MAP3K4: variants seen among roughly 807,000 people sequenced by gnomAD.
MAP3K4 encodes MAP three kinase 1.
In MAP3K4, 67 loss-of-function variants were observed where a neutral mutation model predicts 185.6. That is an observed-to-expected ratio of 0.36 (90% CI 0.30 to 0.44). The LOEUF (loss-of-function observed/expected upper bound fraction) is 0.44. MAP3K4 is among the 20% of genes least tolerant of loss of function. MAP3K4 has a pLI of 1.00. For synonymous variants in MAP3K4, 702 were observed against 710.4 expected, an observed-to-expected ratio of 0.99 and a Z score of 0.19; for missense variants, 1,551 against 1,995.1, an observed-to-expected ratio of 0.78 and a Z score of 4.24.
At position 161,115,274 on chromosome 6, in the gene MAP3K4, G is replaced by T; in HGVS notation, c.4778G>T (p.Ser1593Ile). Residue 1593 changes from serine (S) to isoleucine (I), a missense_variant, in exon 26 of 27, where the codon AGC (serine) becomes ATC (isoleucine). By Grantham distance (142) the Ser-to-Ile change is moderately radical. Coordinates refer to ENST00000392142, the MANE Select transcript of MAP3K4 (RefSeq NM_005922.4). This position sits in a 1 kb window ranked among gnomAD's most constrained non-coding sequence, Gnocchi z 6.0. The part of the protein sequence containing the change: ...ESDPKMRWTA[S>I]QLLDHSFVKV... ...GACCCAAAGATGAGATGGACCGCCA[G>T]CCAGCTCCTCGACCATTCGTTTGTC... 1 of 1,614,028 alleles carries T rather than the reference G, an allele frequency of 6.2e-7. No homozygotes were observed. Among genetic ancestry groups the T allele is most frequent in the Non-Finnish European group, 8.5e-7 (1 of 1,179,938 alleles).
At position 161,108,475 on chromosome 6, in the gene MAP3K4, C is replaced by T. The variant is rs1249206960; in HGVS notation, c.4120-268C>T. On this transcript the variant is annotated intron_variant, in intron 21 of 26. Transcript: ENST00000392142. This position sits in a 1 kb window ranked among gnomAD's most constrained non-coding sequence, Gnocchi z 5.7. ...GGAGGCTCCAGCGTCTTGCACTTGC[C>T]GTGGAGCCGCGTCCTCCTCCACATG... 1.3e-5 allele frequency among the ~76,000 whole-genome samples: 2 copies of T among 152,066 alleles called. No homozygotes were observed. The highest frequency in any genetic ancestry group is 2.9e-5 in the Non-Finnish European group (2 of 68,020).
rs1784601388 is a variant in MAP3K4 at position 161,064,179 on chromosome 6, T to C, written c.1708-6429T>C. On this transcript the variant is annotated intron_variant, in intron 3 of 26. Transcript: ENST00000392142. The surrounding 1 kb of genome is among the most constrained non-coding windows in gnomAD (Gnocchi z 4.3). Reference sequence around the variant, plus strand: ...ATGAACGAAAGTGGGAATTTTTATATAGTTTAACCTAATGCAGAGCTCTAT... The same window carrying C: ...ATGAACGAAAGTGGGAATTTTTATACAGTTTAACCTAATGCAGAGCTCTAT... Among the ~76,000 whole-genome samples the C allele has an allele frequency of 6.6e-6, 1 of 152,268 alleles. No individual in the cohort carries two copies. The highest frequency in any genetic ancestry group is 2.1e-4 in the South Asian group (1 of 4,836).
rs1245366380 is a variant in MAP3K4, at chr6:160,999,521, C to CTAG, written c.152+7438_152+7439insTAG. Among the ~76,000 whole-genome samples the CTAG allele has an allele frequency of 2.0e-5, 3 of 152,194 alleles. No homozygotes were observed. The East Asian group carries it at 5.8e-4, about 29-fold the overall frequency. ...GTAGGACGCTTAGTGTTCATTTCAT[C>CTAG]CAACTTCCTAGCCATTGCTTATAGA... On this transcript the variant is annotated intron_variant, in intron 1 of 26. Transcript: ENST00000392142.
chr6:161,042,192 T>G (rs1783498816), intron 2 of MAP3K4, among the ~76,000 whole-genome samples: 1 of 152,116 alleles, frequency 6.6e-6, no homozygotes, highest in African/African-American at 2.4e-5. Flanking sequence ...CAGCAGGATG[T>G]TAGTGTATGT....
chr6:161,106,722 G>A lies in MAP3K4; in HGVS notation c.4048+17G>A, dbSNP rs1778089501. 3 of 1,596,184 alleles carry A rather than the reference G, an allele frequency of 1.9e-6. No individual in the cohort carries two copies. The highest frequency in any genetic ancestry group is 2.2e-5 in the East Asian group (1 of 44,790). On this transcript the variant is annotated intron_variant, in intron 20 of 26. Transcript: ENST00000392142. This position sits in a 1 kb window ranked among gnomAD's most constrained non-coding sequence, Gnocchi z 4.9. ...ACAAAATTGGTAAGGAAATTAAGGA[G>A]CATGATGTCAAGATAGTCCCTGTTA... is the stretch of plus-strand genomic sequence containing the variant.
rs572071722 is a variant in MAP3K4, at chr6:161,056,676, T to G, written c.1707+6697T>G. On this transcript the variant is annotated intron_variant, in intron 3 of 26. Transcript: ENST00000392142. This position sits in a 1 kb window ranked among gnomAD's most constrained non-coding sequence, Gnocchi z 5.4. ...AATTTATCAACTAGGGTGTAGTGTT[T>G]CAGTCAAGTTCCTTTTGTCTTTAGC... 9.8e-5 allele frequency among the ~76,000 whole-genome samples: 15 copies of G among 152,336 alleles called. No homozygotes were observed. The highest frequency in any genetic ancestry group is 3.6e-4 in the African/African-American group (15 of 41,582).
At position 161,080,645 on chromosome 6, in the gene MAP3K4, AAGGGGTTGTCAATAAT is replaced by A; in HGVS notation, c.2098-234_2098-219del. ...GAACATTTTTGTTGTTAGGATTTTG[AAGGGGTTGTCAATAAT>A]ATGTTAAATTGCTGGGGAGTTAGTT... is the stretch of plus-strand genomic sequence containing the variant. On this transcript the variant is annotated intron_variant, in intron 5 of 26. Coordinates refer to ENST00000392142, the MANE Select transcript of MAP3K4 (RefSeq NM_005922.4). This position sits in a 1 kb window ranked among gnomAD's most constrained non-coding sequence, Gnocchi z 4.8. The A allele has an allele frequency of 4.4e-6, 2 of 451,604 alleles. No homozygotes were observed. The highest frequency in any genetic ancestry group is 7.9e-6 in the Non-Finnish European group (2 of 251,628). 28.0% of individuals were successfully genotyped at this position (451,604 alleles called of 1,614,324 possible).
chr6:161,107,048 G>GCACACA lies in MAP3K4; in HGVS notation c.4048+344_4048+345insACACAC, dbSNP rs1168768049. Among the ~76,000 whole-genome samples the GCACACA allele has an allele frequency of 0.012, 1,731 of 141,092 alleles. 36 individuals are homozygous for GCACACA. The highest frequency in any genetic ancestry group is 0.041 in the African/African-American group (1,629 of 39,316). 92.6% of individuals were successfully genotyped at this position (141,092 alleles called of 152,430 possible). ...TCTCTCTCTCTCTCTACACACGCGC[G>GCACACA]CGCACACACACACACACACACACAC... is the stretch of plus-strand genomic sequence containing the variant. On this transcript the variant is annotated intron_variant, in intron 20 of 26. Transcript: ENST00000392142. The surrounding 1 kb of genome is among the most constrained non-coding windows in gnomAD (Gnocchi z 6.2).
chr6:160,997,161 C>G (rs914829279), intron 1 of MAP3K4, among the ~76,000 whole-genome samples: 2 of 151,692 alleles, frequency 1.3e-5, no homozygotes, highest in African/African-American at 2.4e-5. Context: ...TTTTTTAAAC[C>G]TCAGTGGTAC....
intron 1 of MAP3K4, among the ~76,000 whole-genome samples, chr6:161,012,926 G>A (rs1781915655): frequency 6.6e-6 from 1 of 152,048 alleles, no homozygotes; most frequent in African/African-American, 2.4e-5. Flanking sequence ...TTCATTTTAT[G>A]AGCATACCAT....
intron 1 of MAP3K4, among the ~76,000 whole-genome samples, chr6:161,023,916 A>G (rs1782516830): frequency 6.6e-6 from 1 of 152,234 alleles, no homozygotes; most frequent in Non-Finnish European, 1.5e-5. Context: ...ATGTAATATA[A>G]TTAAGTCTTA....
chr6:160,994,048 TTCATTTGAAC>T (rs1780876601), intron 1 of MAP3K4, among the ~76,000 whole-genome samples: 1 of 152,204 alleles, frequency 6.6e-6, no homozygotes. Flanking sequence ...TATCCAGTTG[TTCATTTGAAC>T]TTTTTTTTTT....
Position 161,097,234 on chromosome 6 carries a change from A to T in MAP3K4, c.3524+58A>T. 7.0e-7 allele frequency: 1 copy of T among 1,420,918 alleles called. No homozygotes were observed. Among genetic ancestry groups the T allele is most frequent in the East Asian group, 2.3e-5 (1 of 43,778 alleles). The allele number at this position is 1,420,918 out of a possible 1,614,324, so 88.0% of individuals were successfully genotyped here. ...AGAGTGCCCTCCGATATGCATGCTC[A>T]TACTTTTGAAACTACTAGATGCTTG... On this transcript the variant is annotated intron_variant, in intron 16 of 26. Transcript: ENST00000392142. The surrounding 1 kb of genome is among the most constrained non-coding windows in gnomAD (Gnocchi z 4.9).
Position 160,991,800 on chromosome 6 carries a change from C to G in MAP3K4, c.-132C>G. ...CCGGTCGCCGTTTCCAAGATGGCCG[C>G]GGCGCGCACGGCTCCTGCGGCGGGG... On this transcript the variant is annotated 5_prime_UTR_variant, in exon 1 of 27. Transcript: ENST00000392142. The surrounding 1 kb of genome is among the most constrained non-coding windows in gnomAD (Gnocchi z 5.7). 4.7e-6 allele frequency: 5 copies of G among 1,053,388 alleles called. No homozygotes were observed. Among genetic ancestry groups the G allele is most frequent in the Non-Finnish European group, 6.3e-6 (5 of 794,544 alleles). 65.3% of individuals were successfully genotyped at this position (1,053,388 alleles called of 1,614,324 possible).
chr6:161,054,547 G>A lies in MAP3K4; in HGVS notation c.1707+4568G>A, dbSNP rs1325674649. On this transcript the variant is annotated intron_variant, in intron 3 of 26. Transcript: ENST00000392142. This position sits in a 1 kb window ranked among gnomAD's most constrained non-coding sequence, Gnocchi z 4.2. ...CTAAAAAAAAATCTGTTTGCAGTTT[G>A]TTTTCATAATATGAATGCCATAAAT... Among the ~76,000 whole-genome samples the A allele has an allele frequency of 6.6e-6, 1 of 152,120 alleles. No individual in the cohort carries two copies. Among genetic ancestry groups the A allele is most frequent in the Non-Finnish European group, 1.5e-5 (1 of 68,002 alleles).
chr6:161,024,992 C>T (rs1370667199), intron 1 of MAP3K4, among the ~76,000 whole-genome samples: 1 of 152,036 alleles, frequency 6.6e-6, no homozygotes, highest in Non-Finnish European at 1.5e-5. Context: ...TCCACCCACC[C>T]ACCCAGCCAT....
In MAP3K4 at chr6:161,086,274, T is replaced by A. The variant is rs572385583; in HGVS notation, c.2373-105T>A. 2.0e-4 allele frequency: 122 copies of A among 618,672 alleles called. 3 individuals carry two copies. The South Asian group carries it at 2.8e-3, about 14-fold the overall frequency. The allele number at this position is 618,672 out of a possible 1,614,324, so 38.3% of individuals were successfully genotyped here. On this transcript the variant is annotated intron_variant, in intron 7 of 26. Transcript: ENST00000392142. The surrounding 1 kb of genome is among the most constrained non-coding windows in gnomAD (Gnocchi z 4.8). The stretch of plus-strand genomic sequence containing the variant: ...CATTTAAAAAATCCTCAGTCTTTAT[T>A]TATTACTGTGATTTGGAATTTGCTT...
intron 6 of MAP3K4, among the ~76,000 whole-genome samples, chr6:161,083,010 C>G (rs1011448424): frequency 6.6e-6 from 1 of 152,188 alleles, no homozygotes; most frequent in Non-Finnish European, 1.5e-5. Flanking sequence ...CGTCTTTGTC[C>G]TCCTTCTAGA....
rs546032109 is a variant in MAP3K4 at position 160,996,298 on chromosome 6, C to A, written c.152+4215C>A. 6.6e-6 allele frequency among the ~76,000 whole-genome samples: 1 copy of A among 152,298 alleles called. No individual in the cohort carries two copies. The highest frequency in any genetic ancestry group is 1.9e-4 in the East Asian group (1 of 5,180). ...GATGGCAGAAACTTCATGTTTTCAA[C>A]TGGGGACTTGTCACTTAGGAGGACT... is the stretch of plus-strand genomic sequence containing the variant. On this transcript the variant is annotated intron_variant, in intron 1 of 26. Transcript: ENST00000392142. The surrounding 1 kb of genome is among the most constrained non-coding windows in gnomAD (Gnocchi z 4.5).
Sources: gnomAD v4.1 joint callset for allele counts (sites outside exome capture counted in the v4.1 genomes callset) on GRCh38, gnomAD v4.1.1 for gene constraint, Gnocchi (gnomAD v3.1) non-coding constraint, MANE v1.5 for transcripts, NCBI Gene and HGNC (gene_info 2026-07-23, HGNC 2026-07-21) for gene names.